Variants in DOCK3 observed in about 807,000 individuals in gnomAD.
DOCK3 encodes dedicator of cytokinesis 3.
DOCK3 carries 60 observed loss-of-function variants against 265.6 expected under a neutral mutation model. The observed-to-expected ratio is 0.23, with a 90% CI of 0.18 to 0.28. The LOEUF is 0.28. DOCK3 is among the 10% of genes least tolerant of loss of function. The pLI is 1.00. For missense variants in DOCK3, 1,981 were observed against 2,594.3 expected, an observed-to-expected ratio of 0.76 and a Z score of 5.14; for synonymous variants, 881 against 938.0, an observed-to-expected ratio of 0.94 and a Z score of 1.11.
intron 12 of DOCK3, among the ~76,000 whole-genome samples, chr3:51,195,145 A>G (rs1327706466): frequency 6.6e-6 from 1 of 151,908 alleles, no homozygotes; most frequent in Non-Finnish European, 1.5e-5. Context: ...GTAAACAGCA[A>G]ATAGTCGGAT....
Sources: gnomAD v4.1 joint callset for allele counts (sites outside exome capture counted in the v4.1 genomes callset) on GRCh38, gnomAD v4.1.1 for gene constraint, MANE v1.5 for transcripts, NCBI Gene and HGNC (gene_info 2026-07-23, HGNC 2026-07-21) for gene names.